The following C16orf46 variants were observed in gnomAD, a reference collection of about 807,000 sequenced individuals.
C16orf46 encodes the protein uncharacterized protein C16orf46.
Under a neutral mutation model 5.5 loss-of-function variants are expected in C16orf46, and 7 were observed. The observed-to-expected ratio is 1.28, with a 90% CI of 0.73 to 2.40. The LOEUF (loss-of-function observed/expected upper bound fraction) is 2.40. Ranked by LOEUF, C16orf46 falls within the 30% of genes most tolerant of loss-of-function variation. The pLI, the probability that C16orf46 is intolerant of heterozygous loss-of-function variation, is 0.00. For missense variants in C16orf46, 614 were observed against 476.0 expected, an observed-to-expected ratio of 1.29 and a Z score of -2.70; for synonymous variants, 200 against 184.1, an observed-to-expected ratio of 1.09 and a Z score of -0.70.
At chr16:81,058,535 C>T (rs74030505), downstream of C16orf46, among the ~76,000 whole-genome samples, 5,551 of 152,190 alleles carry the variant, frequency 0.036, 338 homozygotes, top group African/African-American at 0.12. Context: ...CAAGGAGCAC[C>T]TTAGTTGACA....
intron 1 of C16orf46, among the ~76,000 whole-genome samples, chr16:81,074,732 C>T (rs1004583526): frequency 1.3e-5 from 2 of 152,020 alleles, no homozygotes; most frequent in African/African-American, 4.8e-5. Flanking sequence ...CTACAACTTC[C>T]AGATTTTTTT....
intron 1 of C16orf46, among the ~76,000 whole-genome samples, chr16:81,071,339 T>C (rs1971845946): frequency 6.6e-6 from 1 of 151,504 alleles, no homozygotes; most frequent in African/African-American, 2.4e-5. Context: ...CAAGGCTAAA[T>C]GCCAGAGAAG....
downstream of C16orf46, among the ~76,000 whole-genome samples, chr16:81,056,740 G>C (rs1001996754): frequency 2.9e-4 from 43 of 146,404 alleles, no homozygotes; most frequent in African/African-American, 9.6e-4. Context: ...CTGCTTCTTT[G>C]CTTCTTTCTA....
At chr16:81,073,257 T>C (rs1369401786) in intron 1 of C16orf46, among the ~76,000 whole-genome samples, 5 of 152,210 alleles carry the variant, frequency 3.3e-5, no homozygotes, top group African/African-American at 1.2e-4. Flanking sequence ...AAAGTGCCTA[T>C]TAGAGATTGA....
At chr16:81,072,542 G>A (rs1160777009) in intron 1 of C16orf46, among the ~76,000 whole-genome samples, 1 of 151,938 alleles carries the variant, frequency 6.6e-6, no homozygotes, top group Non-Finnish European at 1.5e-5. Flanking sequence ...GCGCCATCAT[G>A]CCAGGCTAAT....
chr16:81,056,512 C>G (rs1971299139), downstream of C16orf46: 1 of 151,902 alleles, frequency 6.6e-6, no homozygotes, highest in Admixed American at 6.6e-5. Flanking sequence ...CCTAGCCAAC[C>G]TGGTGAAACC....
At chr16:81,071,112 T>C (rs183505198) in intron 1 of C16orf46, among the ~76,000 whole-genome samples, 164 of 152,200 alleles carry the variant, frequency 1.1e-3, no homozygotes, top group Non-Finnish European at 1.8e-3. Context: ...GGCGATATGG[T>C]GAGTTATATT....
At chr16:81,066,625 T>C (rs922217489) in intron 1 of C16orf46, among the ~76,000 whole-genome samples, 4 of 152,250 alleles carry the variant, frequency 2.6e-5, no homozygotes, top group African/African-American at 9.6e-5. Flanking sequence ...ATGTGATTCC[T>C]TGCAATCTGT....
chr16:81,057,281 G>A (rs1971325082), downstream of C16orf46, among the ~76,000 whole-genome samples: 1 of 152,168 alleles, frequency 6.6e-6, no homozygotes, highest in African/African-American at 2.4e-5. Context: ...GGGCATGGTG[G>A]CTCACGCTTG....
At chr16:81,070,360 T>C (rs1971808177) in intron 1 of C16orf46, among the ~76,000 whole-genome samples, 1 of 152,120 alleles carries the variant, frequency 6.6e-6, no homozygotes, top group Non-Finnish European at 1.5e-5. Context: ...AAGTTAGAAT[T>C]AAGTGGAGAA....
Position 81,061,738 on chromosome 16 carries a change from G to C in C16orf46, c.611C>G (p.Thr204Ser), listed in dbSNP as rs557650910. 10 of 1,613,968 alleles carry C rather than the reference G, an allele frequency of 6.2e-6. No homozygotes were observed. In the East Asian group the frequency reaches 1.8e-4, roughly 29 times the overall value. Residue 204 changes from threonine (T) to serine (S), a missense_variant, in exon 4 of 4, where the codon ACT becomes AGT. Coordinates refer to ENST00000299578, the MANE Select transcript of C16orf46 (RefSeq NM_152337.3). ...HRGLSIPGPLTSRALLVLPPL... is the reference protein window; with the variant it reads ...HRGLSIPGPLSSRALLVLPPL... ...AGGCAGAACTAGGAGGGCCCTGGAA[G>C]TCAGGGGGCCTGGGATGGACAGCCC...
At chr16:81,060,758 A>G (rs1971437029), downstream of C16orf46, 1 of 182,788 alleles carries the variant, frequency 5.5e-6, no homozygotes, top group Non-Finnish European at 1.1e-5. Flanking sequence ...GGTGGGGCAG[A>G]AAGGACACCT....
chr16:81,072,326 T>G (rs1316561010), intron 1 of C16orf46: 1 of 23,764 alleles, frequency 4.2e-5, no homozygotes, highest in African/African-American at 8.3e-5. Context: ...TTATACCTGA[T>G]GCAAAAAAAA....
At position 81,061,758 on chromosome 16, in the gene C16orf46, C is replaced by T. The variant is rs804885; in HGVS notation, c.591G>A (p.Leu197=). The T allele has an allele frequency of 0.87, 1,410,547 of 1,613,834 alleles. 624,728 individuals are homozygous for T. Among genetic ancestry groups the T allele is most frequent in the Non-Finnish European group, 0.91 (1,071,945 of 1,180,006 alleles). The part of the protein sequence containing the change: ...GNPSGGAHRG[L]SIPGPLTSRA... ...TGGAAGTCAGGGGGCCTGGGATGGA[C>T]AGCCCTCTGTGGGCCCCTCCACTGG... The change falls in exon 4 of 4, where the codon CTG becomes CTA. Residue 197 remains leucine, a synonymous_variant. Transcript: ENST00000299578.
rs144394384 is a variant in C16orf46 at position 81,061,866 on chromosome 16, T to G, written c.483A>C (p.Lys161Asn). 14 of 1,614,066 alleles carry G rather than the reference T, an allele frequency of 8.7e-6. No homozygotes were observed. The African/African-American group carries it at 1.5e-4, about 17-fold the overall frequency. Residue 161 changes from lysine (K) to asparagine (N), a missense_variant, in exon 4 of 4, where the codon AAA becomes AAC. Physicochemically the swap from Lys to Asn is moderately conservative, Grantham distance 94 (BLOSUM62 0). Coordinates refer to ENST00000299578, the MANE Select transcript of C16orf46 (RefSeq NM_152337.3). ...CFPTYFRAEK[K>N]SLQIKEFIWC... Reference sequence around the variant, plus strand: ...AAATAAACTCCTTGATTTGCAGACTTTTTTTCTCTGCTCGAAAGTAGGTGG... The same window carrying G: ...AAATAAACTCCTTGATTTGCAGACTGTTTTTCTCTGCTCGAAAGTAGGTGG...
chr16:81,061,542 C>T lies in C16orf46; in HGVS notation c.807G>A (p.Leu269=), dbSNP rs758272225. Residue 269 remains leucine, a synonymous_variant, in exon 4 of 4, where the codon CTG becomes CTA. Coordinates refer to ENST00000299578, the MANE Select transcript of C16orf46 (RefSeq NM_152337.3). The part of the protein sequence containing the change: ...DGKGEKRASE[L]AKHPMVNDTP... ...TGTCGTTGACCATAGGGTGTTTGGC[C>T]AGCTCACTGGCTCTTTTTTCACCTT... The T allele has an allele frequency of 1.9e-6, 3 of 1,614,184 alleles. No individual in the cohort carries two copies. The South Asian group carries it at 3.3e-5, about 18-fold the overall frequency.
chr16:81,074,011 C>T lies in C16orf46; in HGVS notation c.-128+3125G>A, dbSNP rs537973686. 7.9e-5 allele frequency among the ~76,000 whole-genome samples: 12 copies of T among 152,306 alleles called. No individual in the cohort carries two copies. The East Asian group carries it at 9.7e-4, about 12-fold the overall frequency. ...AATACTTCTGCTTAAGTACTTTCAA[C>T]GACTGAGTGCTCGTAACTTTACAGG... On this transcript the variant is annotated intron_variant, in intron 1 of 3. Coordinates refer to ENST00000299578, the MANE Select transcript of C16orf46 (RefSeq NM_152337.3).
In C16orf46 at chr16:81,054,025, T is replaced by C. The variant is rs1199131693; in HGVS notation, c.*46A>G. The C allele has an allele frequency of 1.9e-6, 3 of 1,579,258 alleles. No individual in the cohort carries two copies. The East Asian group carries it at 6.7e-5, about 35-fold the overall frequency. On this transcript the variant is annotated 3_prime_UTR_variant, in exon 4 of 4. Coordinates refer to the C16orf46 transcript ENST00000378611. Reference sequence around the variant, plus strand: ...AAATATTTGCTTTTATGATTACATCTCAACCGTGTTGCTGCTTAGGACTGA... The same window carrying C: ...AAATATTTGCTTTTATGATTACATCCCAACCGTGTTGCTGCTTAGGACTGA...
chr16:81,061,941 G>T lies in C16orf46; in HGVS notation c.408C>A (p.Ala136=). ...TGGAAGCAGTGCTGGGGCCCTGGGG[G>T]GCTGCCTGAGTCTGGGAGGGGCTGC... is the stretch of plus-strand genomic sequence containing the variant. The part of the protein sequence containing the change: ...DQSSPSQTQA[A]PQGPSTASRA... Residue 136 remains alanine, a synonymous_variant, in exon 4 of 4, where the codon GCC becomes GCA. Transcript: ENST00000299578. 6.2e-7 allele frequency: 1 copy of T among 1,614,210 alleles called. No homozygotes were observed. The highest frequency in any genetic ancestry group is 8.5e-7 in the Non-Finnish European group (1 of 1,180,028).
Sources: allele counts gnomAD v4.1 joint callset (sites outside exome capture counted in the v4.1 genomes callset), GRCh38; gene constraint gnomAD v4.1.1; transcripts MANE v1.5; gene names NCBI Gene and HGNC (gene_info 2026-07-23, HGNC 2026-07-21).